The following MIPOL1 variants were observed in gnomAD, a reference collection of about 807,000 sequenced individuals.
MIPOL1 encodes the protein mirror-image polydactyly 1.
MIPOL1 carries 57 observed loss-of-function variants against 60.9 expected under a neutral mutation model. The ratio of observed to expected loss-of-function variants is 0.94; its 90% CI spans 0.76 to 1.17. The LOEUF (loss-of-function observed/expected upper bound fraction) is 1.17. Among genes scored for constraint, MIPOL1 ranks in the 50% most tolerant of loss-of-function variants. The pLI is 0.00. For missense variants in MIPOL1, 551 were observed against 511.6 expected (o/e 1.08, Z -0.74); for synonymous variants, 179 against 168.8 (o/e 1.06, Z -0.47).
chr14:37,251,651 A>T (rs4291830), intron 3 of MIPOL1, among the ~76,000 whole-genome samples: 57 of 151,862 alleles, frequency 3.8e-4, no homozygotes, highest in Non-Finnish European at 6.6e-4. Context: ...CCTTTTTTGT[A>T]CTTACTTATA....
At chr14:37,278,084 G>A (rs572641767) in intron 6 of MIPOL1, 2 of 151,582 alleles carry the variant, frequency 1.3e-5, no homozygotes, top group South Asian at 4.1e-4. Flanking sequence ...CAAAGTAATT[G>A]TATAAAATGT....
At chr14:37,294,127 C>G in intron 7 of MIPOL1, among the ~76,000 whole-genome samples, 1 of 152,170 alleles carries the variant, frequency 6.6e-6, no homozygotes, top group Admixed American at 6.5e-5. Context: ...GAGGAACGAT[C>G]AGGCAGCAGC....
chr14:37,320,025 G>T (rs1567451463), intron 9 of MIPOL1, among the ~76,000 whole-genome samples: 1 of 152,052 alleles, frequency 6.6e-6, no homozygotes, highest in Non-Finnish European at 1.5e-5. Flanking sequence ...GTGTGAATAT[G>T]CCATGATTTA....
rs546080516 is a variant in MIPOL1 at position 37,273,793 on chromosome 14, G to C, written c.493+3268G>C. ...TAGCCTCTTTGGGTTTATCTTCTCC[G>C]ATGTAAAATGTGAATATTAACCAAC... On this transcript the variant is annotated intron_variant, in intron 6 of 12. Coordinates refer to ENST00000684589, the MANE Select transcript of MIPOL1 (RefSeq NM_001388067.1). 7.9e-5 allele frequency among the ~76,000 whole-genome samples: 12 copies of C among 151,450 alleles called. No individual in the cohort carries two copies. In the East Asian group the frequency reaches 2.3e-3, roughly 29 times the overall value.
At chr14:37,270,555 T>C in intron 6 of MIPOL1, 30 bp downstream of exon 6, 2 of 1,210,702 alleles carry the variant, frequency 1.7e-6, no homozygotes, top group Non-Finnish European at 1.2e-6. Flanking sequence ...ACACATGGCT[T>C]GAAGAATCAC....
At chr14:37,451,433 A>G (rs2094414971) in intron 11 of MIPOL1, among the ~76,000 whole-genome samples, 1 of 152,204 alleles carries the variant, frequency 6.6e-6, no homozygotes, top group African/African-American at 2.4e-5. Context: ...CTCAAATATG[A>G]TAAGGCTTTT....
intron 12 of MIPOL1, among the ~76,000 whole-genome samples, chr14:37,543,915 C>G (rs1187212055): frequency 6.6e-6 from 1 of 152,148 alleles, no homozygotes; most frequent in Non-Finnish European, 1.5e-5. Flanking sequence ...CCAAGTTTTT[C>G]TTAAATATTT....
intron 10 of MIPOL1, among the ~76,000 whole-genome samples, chr14:37,408,404 C>T (rs893879402): frequency 1.3e-5 from 2 of 151,990 alleles, no homozygotes; most frequent in African/African-American, 4.8e-5. Context: ...TCAAGGCAGG[C>T]AGGTCACTTG....
chr14:37,504,038 T>C (rs1219680337), intron 12 of MIPOL1: 1 of 152,124 alleles, frequency 6.6e-6, no homozygotes, highest in Admixed American at 6.5e-5. Context: ...AAGGGATCAC[T>C]TCAACAAGAA....
At chr14:37,212,124 TA>T (rs1319838710) in intron 1 of MIPOL1, 2 of 152,162 alleles carry the variant, frequency 1.3e-5, no homozygotes, top group South Asian at 2.1e-4. Flanking sequence ...TGGCTTTAGG[TA>T]AGACTCAGCA....
chr14:37,448,038 C>G (rs1447402463), intron 11 of MIPOL1, among the ~76,000 whole-genome samples: 6 of 151,996 alleles, frequency 3.9e-5, no homozygotes, highest in Admixed American at 6.6e-5. Context: ...TTTTGAGTAC[C>G]TCTCATTACA....
rs193236733 is a variant in MIPOL1 at position 37,549,713 on chromosome 14, A to T, written c.*2742A>T. 4 of 152,070 alleles carry T rather than the reference A, an allele frequency of 2.6e-5. No homozygotes were observed. In the East Asian group the frequency reaches 7.7e-4, roughly 29 times the overall value. The allele number at this position is 152,070 out of a possible 1,614,324, so 9.4% of individuals were successfully genotyped here. On this transcript the variant is annotated 3_prime_UTR_variant, in exon 13 of 13. Coordinates refer to ENST00000684589, the MANE Select transcript of MIPOL1 (RefSeq NM_001388067.1). ...AAGATTGTACACATTTTTTTCAATG[A>T]AGTACAATAATGTGAACTGCATGTG... is the stretch of plus-strand genomic sequence containing the variant.
intron 11 of MIPOL1, among the ~76,000 whole-genome samples, chr14:37,455,934 A>G (rs2094472372): frequency 1.3e-5 from 2 of 151,968 alleles, no homozygotes; most frequent in African/African-American, 2.4e-5. Context: ...ATGTTTACCA[A>G]ATGGGATTTA....
intron 9 of MIPOL1, among the ~76,000 whole-genome samples, chr14:37,318,241 T>C (rs1480734227): frequency 2.0e-5 from 3 of 152,200 alleles, no homozygotes; most frequent in African/African-American, 7.2e-5. Flanking sequence ...CTCTCCTTTT[T>C]TAGTGTTGCC....
intron 9 of MIPOL1, among the ~76,000 whole-genome samples, chr14:37,309,147 G>T (rs1256746005): frequency 1.3e-5 from 2 of 149,178 alleles, no homozygotes; most frequent in Non-Finnish European, 3.0e-5. Context: ...TATTTAGTGT[G>T]TGTGGAGATT....
intron 7 of MIPOL1, among the ~76,000 whole-genome samples, chr14:37,302,498 A>G (rs1039478708): frequency 6.6e-6 from 1 of 151,672 alleles, no homozygotes; most frequent in Non-Finnish European, 1.5e-5. Context: ...TCTGGATATA[A>G]GTCGTTTATC....
intron 6 of MIPOL1, among the ~76,000 whole-genome samples, chr14:37,274,685 C>G (rs943642080): frequency 3.3e-5 from 5 of 151,316 alleles, no homozygotes; most frequent in African/African-American, 1.2e-4. Flanking sequence ...CTTTTTGACA[C>G]TTATCATGTG....
chr14:37,270,544 A>G lies in MIPOL1; in HGVS notation c.493+19A>G. The G allele has an allele frequency of 7.4e-7, 1 of 1,347,374 alleles. No individual in the cohort carries two copies. Among genetic ancestry groups the G allele is most frequent in the Non-Finnish European group, 1.0e-6 (1 of 965,202 alleles). The allele number at this position is 1,347,374 out of a possible 1,614,324, so 83.5% of individuals were successfully genotyped here. A position where few individuals can be genotyped will look rare whatever the true frequency, so the allele number is the denominator to read the frequency against. ...ACAGCAGGTATAGTAGAGGAGTATT[A>G]ACACATGGCTTGAAGAATCACACAC... On this transcript the variant is annotated intron_variant, in intron 6 of 12. Transcript: ENST00000684589.
intron 12 of MIPOL1, among the ~76,000 whole-genome samples, chr14:37,520,425 T>TA (rs2095404922): frequency 6.6e-6 from 1 of 152,268 alleles, no homozygotes; most frequent in South Asian, 2.1e-4. Flanking sequence ...GTGAGTAGCT[T>TA]AATAAGCCAT....
Sources: allele counts gnomAD v4.1 joint callset (sites outside exome capture counted in the v4.1 genomes callset), GRCh38; gene constraint gnomAD v4.1.1; transcripts MANE v1.5; gene names NCBI Gene and HGNC (gene_info 2026-07-23, HGNC 2026-07-21).